DOCK4: variants seen among roughly 807,000 people sequenced by gnomAD.
DOCK4 encodes the protein dedicator of cytokinesis protein 4.
DOCK4 carries 97 observed loss-of-function variants against 268.1 expected under a neutral mutation model. The observed-to-expected ratio is 0.36, with a 90% confidence interval of 0.31 to 0.43. The LOEUF (loss-of-function observed/expected upper bound fraction) is 0.43, where lower values mean the gene tolerates loss of function less well. Ranked by LOEUF, DOCK4 falls within the 20% of genes least tolerant of loss-of-function variation. The pLI is 1.00. For synonymous variants in DOCK4, 954 were observed against 887.2 expected (o/e 1.08, Z -1.34); for missense variants, 2,145 against 2,455.7 (o/e 0.87, Z 2.67).
intron 12 of DOCK4, among the ~76,000 whole-genome samples, chr7:111,934,523 G>GTTTTTGTTTTTTTTTTTTTTT (rs1562907282): frequency 1.2e-5 from 1 of 83,874 alleles, no homozygotes; most frequent in African/African-American, 4.0e-5. Context: ...TTTTGTTTTT[G>GTTTTTGTTTTTTTTTTTTTTT]TTTTTTTTTT....
intron 1 of DOCK4, among the ~76,000 whole-genome samples, chr7:112,027,837 T>A (rs1432091897): frequency 6.6e-6 from 1 of 152,206 alleles, no homozygotes; most frequent in Non-Finnish European, 1.5e-5. Context: ...TAAGCACTGA[T>A]TTGAGTACCA....
chr7:112,066,557 C>T (rs576329135), intron 1 of DOCK4, among the ~76,000 whole-genome samples: 3 of 139,110 alleles, frequency 2.2e-5, no homozygotes, highest in Admixed American at 6.9e-5. Flanking sequence ...CACATATATA[C>T]GTATATATAC....
At chr7:112,166,826 T>G (rs1586959538) in intron 1 of DOCK4, among the ~76,000 whole-genome samples, 1 of 152,124 alleles carries the variant, frequency 6.6e-6, no homozygotes, top group Non-Finnish European at 1.5e-5. Flanking sequence ...TATATCTGTT[T>G]TAAATTCTTC....
At chr7:111,909,084 C>T (rs944434907) in intron 13 of DOCK4, among the ~76,000 whole-genome samples, 2 of 152,272 alleles carry the variant, frequency 1.3e-5, no homozygotes, top group East Asian at 1.9e-4. Context: ...CTTGAAGAAT[C>T]GCCACACTGA....
rs560274496 is a variant in DOCK4 at position 112,203,220 on chromosome 7, T to C, written c.37+2882A>G. 5.3e-5 allele frequency among the ~76,000 whole-genome samples: 8 copies of C among 152,282 alleles called. No individual in the cohort carries two copies. In the South Asian group the frequency reaches 1.7e-3, roughly 32 times the overall value. On this transcript the variant is annotated intron_variant, in intron 1 of 52. Coordinates refer to ENST00000428084, the MANE Select transcript of DOCK4 (RefSeq NM_001363540.2). ...CTAACTAGAATCTCCTAAGGTGAAA[T>C]TGCCTATCACTGTGCCTCTTAACAT... is the stretch of plus-strand genomic sequence containing the variant.
chr7:111,761,971 C>T (rs777143839), intron 39 of DOCK4, among the ~76,000 whole-genome samples: 5 of 152,172 alleles, frequency 3.3e-5, no homozygotes, highest in Non-Finnish European at 7.3e-5. Flanking sequence ...CTGCCTATTA[C>T]AGGAGCCCCC....
intron 3 of DOCK4, among the ~76,000 whole-genome samples, chr7:111,999,229 G>A (rs950916580): frequency 2.0e-5 from 3 of 152,036 alleles, no homozygotes; most frequent in Non-Finnish European, 4.4e-5. Flanking sequence ...ATAATTAAAT[G>A]ACAAACTCAA....
At chr7:111,814,038 T>C (rs1801349801) in intron 27 of DOCK4, among the ~76,000 whole-genome samples, 1 of 152,182 alleles carries the variant, frequency 6.6e-6, no homozygotes, top group Non-Finnish European at 1.5e-5. Context: ...AAAAATCACC[T>C]TGTGGTCCAC....
intron 1 of DOCK4, among the ~76,000 whole-genome samples, chr7:112,169,506 A>T (rs11770983): frequency 6.6e-6 from 1 of 152,182 alleles, no homozygotes; most frequent in Non-Finnish European, 1.5e-5. Flanking sequence ...GATATTTTAA[A>T]GGAAGCATTT....
intron 30 of DOCK4, among the ~76,000 whole-genome samples, chr7:111,796,619 G>A (rs1799913424): frequency 6.6e-6 from 1 of 152,082 alleles, no homozygotes; most frequent in African/African-American, 2.4e-5. Context: ...AATTAGTAAG[G>A]GGATTTTAAG....
At chr7:111,841,195 C>T (rs749318747) in intron 25 of DOCK4, among the ~76,000 whole-genome samples, 1 of 152,062 alleles carries the variant, frequency 6.6e-6, no homozygotes, top group Non-Finnish European at 1.5e-5. Context: ...GACAGGGTCT[C>T]ACTCTGTCAC....
chr7:112,009,091 T>C (rs939936381), intron 1 of DOCK4, among the ~76,000 whole-genome samples: 1 of 152,236 alleles, frequency 6.6e-6, no homozygotes, highest in African/African-American at 2.4e-5. Context: ...AAAATAATAT[T>C]CAAAATGATT....
chr7:111,962,744 A>C (rs1797027812), intron 8 of DOCK4, among the ~76,000 whole-genome samples: 3 of 152,238 alleles, frequency 2.0e-5, no homozygotes, highest in Non-Finnish European at 4.4e-5. Context: ...GCAATACAAA[A>C]TTTATATGGA....
intron 3 of DOCK4, among the ~76,000 whole-genome samples, chr7:111,999,676 T>C (rs918763908): frequency 1.3e-5 from 2 of 151,928 alleles, no homozygotes; most frequent in African/African-American, 2.4e-5. Flanking sequence ...TTAAACACAG[T>C]TGAATGATCC....
chr7:111,950,230 A>G (rs1795948609), intron 8 of DOCK4, among the ~76,000 whole-genome samples: 1 of 152,204 alleles, frequency 6.6e-6, no homozygotes, highest in East Asian at 1.9e-4. Context: ...CCTGGCCAAT[A>G]ATATTGCATT....
chr7:112,078,984 G>A (rs542086242), intron 1 of DOCK4, among the ~76,000 whole-genome samples: 3 of 152,122 alleles, frequency 2.0e-5, no homozygotes, highest in Admixed American at 6.6e-5. Flanking sequence ...AAAATTAGCC[G>A]GGTATGGTGG....
chr7:111,831,482 C>T (rs1802805145), intron 26 of DOCK4, among the ~76,000 whole-genome samples: 1 of 143,090 alleles, frequency 7.0e-6, no homozygotes, highest in African/African-American at 2.8e-5. Flanking sequence ...TCTTTTCTTT[C>T]CTTTTTCTTT....
chr7:112,093,016 C>T (rs1809777054), intron 1 of DOCK4, among the ~76,000 whole-genome samples: 2 of 152,008 alleles, frequency 1.3e-5, no homozygotes, highest in African/African-American at 2.4e-5. Context: ...TCCTTTTTGT[C>T]TCTCTCATAT....
intron 25 of DOCK4, among the ~76,000 whole-genome samples, chr7:111,836,476 G>C (rs181918744): frequency 4.6e-5 from 7 of 152,088 alleles, no homozygotes; most frequent in Admixed American, 4.6e-4. Flanking sequence ...TAACTGGCAT[G>C]CAATGAAAAA....
Sources: gnomAD v4.1 joint callset for allele counts (sites outside exome capture counted in the v4.1 genomes callset) on GRCh38, gnomAD v4.1.1 for gene constraint, MANE v1.5 for transcripts, NCBI Gene and HGNC (gene_info 2026-07-23, HGNC 2026-07-21) for gene names.